TAFA5: variants seen among roughly 807,000 people sequenced by gnomAD.
The protein encoded by TAFA5 is TAFA chemokine like family member 5, also known as chemokine-like protein TAFA-5.
A neutral mutation model predicts 15.3 loss-of-function variants in TAFA5; 6 were observed. The observed-to-expected ratio is 0.39, with a 90% CI of 0.21 to 0.77. The LOEUF (loss-of-function observed/expected upper bound fraction) is 0.77, where lower values mean the gene tolerates loss of function less well. Ranked by LOEUF, TAFA5 falls within the 30% of genes least tolerant of loss-of-function variation. The probability of loss-of-function intolerance (pLI) is 0.41; values close to 1 mark genes in which losing one functional copy is unlikely to be tolerated. For missense variants in TAFA5, 161 were observed against 193.1 expected (o/e 0.83, Z 0.98); for synonymous variants, 103 against 80.7 (o/e 1.28, Z -1.48).
Position 48,656,298 on chromosome 22 carries a change from C to T in TAFA5, c.262+9552C>T, listed in dbSNP as rs74382446. On this transcript the variant is annotated intron_variant, in intron 2 of 3. Transcript: ENST00000402357. Reference sequence around the variant, plus strand: ...CTTGTAATACTCCCATTATTAAAAACGAAATTACCATCCTGGCCAACATGG... The same window carrying T: ...CTTGTAATACTCCCATTATTAAAAATGAAATTACCATCCTGGCCAACATGG... Among the ~76,000 whole-genome samples the T allele has an allele frequency of 4.3e-3, 646 of 151,886 alleles. 3 individuals are homozygous for T. Among genetic ancestry groups the T allele is most frequent in the African/African-American group, 0.015 (625 of 41,444 alleles).
chr22:48,537,417 C>T (rs186561979), intron 1 of TAFA5, among the ~76,000 whole-genome samples: 142 of 152,332 alleles, frequency 9.3e-4, no homozygotes, highest in African/African-American at 3.2e-3. Context: ...AGGGACAAAA[C>T]CCCAGGGCAG....
chr22:48,518,329 C>A (rs575896255), intron 1 of TAFA5, among the ~76,000 whole-genome samples: 5 of 152,200 alleles, frequency 3.3e-5, no homozygotes, highest in African/African-American at 4.8e-5. Context: ...GCTCTGCCCC[C>A]CAGAATCCAC....
intron 1 of TAFA5, among the ~76,000 whole-genome samples, chr22:48,628,296 G>A (rs1926094458): frequency 6.6e-6 from 1 of 152,226 alleles, no homozygotes; most frequent in African/African-American, 2.4e-5. Context: ...TTGTGGGGGT[G>A]TCAGAGGAGC....
chr22:48,580,610 G>C (rs905639261), intron 1 of TAFA5, among the ~76,000 whole-genome samples: 1 of 152,156 alleles, frequency 6.6e-6, no homozygotes, highest in African/African-American at 2.4e-5. Flanking sequence ...AGGCTGCACC[G>C]GGCTCCATTC....
rs1330145067 is a variant in TAFA5 at position 48,644,748 on chromosome 22, G to A, written c.113-1849G>A. Among the ~76,000 whole-genome samples the A allele has an allele frequency of 3.3e-5, 5 of 152,316 alleles. No individual in the cohort carries two copies. The East Asian group carries it at 9.7e-4, about 29-fold the overall frequency. On this transcript the variant is annotated intron_variant, in intron 1 of 3. Coordinates refer to ENST00000402357, the MANE Select transcript of TAFA5 (RefSeq NM_001082967.3). Reference sequence around the variant, plus strand: ...GAGAAAAAGTGGGATGGATAAGGAAGGGCACCCAGGCTGTAGAAACGGCTG... The same window carrying A: ...GAGAAAAAGTGGGATGGATAAGGAAAGGCACCCAGGCTGTAGAAACGGCTG...
chr22:48,703,284 G>T (rs1928973958), intron 2 of TAFA5, among the ~76,000 whole-genome samples: 1 of 152,166 alleles, frequency 6.6e-6, no homozygotes, highest in Admixed American at 6.5e-5. Context: ...AGCATAGGCA[G>T]GGCTGGAGCC....
rs985548838 is a variant in TAFA5, at chr22:48,646,791, C to T, written c.262+45C>T. On this transcript the variant is annotated intron_variant, in intron 2 of 3. Coordinates refer to ENST00000402357, the MANE Select transcript of TAFA5 (RefSeq NM_001082967.3). Reference sequence around the variant, plus strand: ...GGACCCCTCCGGGTGCTGAGCGCGGCGTCACCAAAGGTGCCTCTTCCCTGA... The same window carrying T: ...GGACCCCTCCGGGTGCTGAGCGCGGTGTCACCAAAGGTGCCTCTTCCCTGA... The T allele has an allele frequency of 1.2e-5, 19 of 1,526,138 alleles. No homozygotes were observed. In the East Asian group the frequency reaches 2.4e-4, roughly 20 times the overall value. The allele number at this position is 1,526,138 out of a possible 1,614,324, so 94.5% of individuals were successfully genotyped here. A position where few individuals can be genotyped will look rare whatever the true frequency, so the allele number is the denominator to read the frequency against.
intron 1 of TAFA5, among the ~76,000 whole-genome samples, chr22:48,528,233 G>C (rs548115395): frequency 6.6e-6 from 1 of 152,302 alleles, no homozygotes; most frequent in African/African-American, 2.4e-5. Flanking sequence ...GACAAGCTTC[G>C]AGCGGAGTGA....
intron 1 of TAFA5, among the ~76,000 whole-genome samples, chr22:48,632,207 C>T (rs1926255321): frequency 6.6e-6 from 1 of 152,208 alleles, no homozygotes; most frequent in African/African-American, 2.4e-5. Context: ...TCAACCCTTA[C>T]CGCCACGGGC....
At chr22:48,513,551 A>G (rs1921299981) in intron 1 of TAFA5, among the ~76,000 whole-genome samples, 1 of 152,210 alleles carries the variant, frequency 6.6e-6, no homozygotes, top group Non-Finnish European at 1.5e-5. Flanking sequence ...TTCAAGCTCC[A>G]GGACCCGGAG....
chr22:48,688,368 A>C (rs1335988818), intron 2 of TAFA5, among the ~76,000 whole-genome samples: 1 of 152,242 alleles, frequency 6.6e-6, no homozygotes, highest in African/African-American at 2.4e-5. Flanking sequence ...TAATTTTAAG[A>C]TGTAATCTGG....
intron 1 of TAFA5, among the ~76,000 whole-genome samples, chr22:48,564,308 G>A (rs200702455): frequency 1.3e-5 from 2 of 152,268 alleles, no homozygotes; most frequent in East Asian, 3.8e-4. Context: ...AGCCAGAGCA[G>A]CTACCTAAGG....
chr22:48,633,636 G>A (rs1456328506), intron 1 of TAFA5, among the ~76,000 whole-genome samples: 4 of 151,650 alleles, frequency 2.6e-5, no homozygotes, highest in Non-Finnish European at 4.4e-5. Context: ...CCTCCTGAAC[G>A]GAGCCAAGAA....
chr22:48,618,708 C>T (rs1209848558), intron 1 of TAFA5, among the ~76,000 whole-genome samples: 1 of 152,210 alleles, frequency 6.6e-6, no homozygotes, highest in African/African-American at 2.4e-5. Flanking sequence ...GGCAGTATAG[C>T]CTCTCCTGGG....
At chr22:48,684,948 GT>G (rs1164704945) in intron 2 of TAFA5, among the ~76,000 whole-genome samples, 1 of 152,238 alleles carries the variant, frequency 6.6e-6, no homozygotes, top group Non-Finnish European at 1.5e-5. Flanking sequence ...TTCTCCGCCA[GT>G]GACCATGGCC....
chr22:48,496,443 G>A (rs1185682905), intron 1 of TAFA5, among the ~76,000 whole-genome samples: 1 of 152,174 alleles, frequency 6.6e-6, no homozygotes, highest in African/African-American at 2.4e-5. Context: ...GCAGCCACAG[G>A]GAACCTCCCA....
At chr22:48,673,156 C>G (rs1927855316) in intron 2 of TAFA5, among the ~76,000 whole-genome samples, 1 of 152,208 alleles carries the variant, frequency 6.6e-6, no homozygotes, top group Non-Finnish European at 1.5e-5. Context: ...GAGGAAGGTC[C>G]CCTCCATCAC....
chr22:48,503,298 C>A (rs960847305), intron 1 of TAFA5, among the ~76,000 whole-genome samples: 11 of 152,266 alleles, frequency 7.2e-5, no homozygotes, highest in Non-Finnish European at 1.6e-4. Flanking sequence ...TGTGAAAAGT[C>A]TGGCTGGTGC....
chr22:48,744,612 G>T (rs75516483), intron 3 of TAFA5, among the ~76,000 whole-genome samples: 3 of 152,178 alleles, frequency 2.0e-5, no homozygotes. Context: ...CAGCCTCCTC[G>T]TTAGAGAGCG....
Sources: gnomAD v4.1 joint callset for allele counts (sites outside exome capture counted in the v4.1 genomes callset) on GRCh38, gnomAD v4.1.1 for gene constraint, MANE v1.5 for transcripts, NCBI Gene and HGNC (gene_info 2026-07-23, HGNC 2026-07-21) for gene names.